Variants in RAB3C observed in about 807,000 individuals in gnomAD.
The protein encoded by RAB3C is ras-related protein Rab-3C.
In RAB3C, 17 loss-of-function variants were observed where a neutral mutation model predicts 26.4. That is an observed-to-expected ratio of 0.64 (90% CI 0.44 to 0.97). RAB3C has a LOEUF of 0.97. RAB3C is among the 50% of genes least tolerant of loss of function. The pLI is 0.00. For missense variants in RAB3C, 242 were observed against 281.9 expected, an observed-to-expected ratio of 0.86 and a Z score of 1.01; for synonymous variants, 91 against 95.9, an observed-to-expected ratio of 0.95 and a Z score of 0.30.
chr5:58,832,850 A>G (rs907528381), intron 4 of RAB3C, among the ~76,000 whole-genome samples: 4 of 152,070 alleles, frequency 2.6e-5, no homozygotes, highest in Non-Finnish European at 5.9e-5. Context: ...AGAATCAAAA[A>G]CTCGGGCTTT....
At chr5:58,765,384 G>C (rs564400212) in intron 3 of RAB3C, among the ~76,000 whole-genome samples, 2 of 152,076 alleles carry the variant, frequency 1.3e-5, no homozygotes, top group Non-Finnish European at 2.9e-5. Context: ...CTTACCACAA[G>C]ACTTATCTTT....
At chr5:58,758,343 G>A (rs529293706) in intron 3 of RAB3C, among the ~76,000 whole-genome samples, 123 of 152,150 alleles carry the variant, frequency 8.1e-4, no homozygotes, top group African/African-American at 2.9e-3. Flanking sequence ...CATTTATTTA[G>A]TGAATATTTA....
chr5:58,633,916 A>G (rs1341255522), intron 2 of RAB3C, among the ~76,000 whole-genome samples: 1 of 151,886 alleles, frequency 6.6e-6, no homozygotes, highest in Non-Finnish European at 1.5e-5. Flanking sequence ...GCGGATCATG[A>G]GGTCCAGAGA....
chr5:58,666,931 G>C (rs1748014433), intron 2 of RAB3C, among the ~76,000 whole-genome samples: 1 of 152,212 alleles, frequency 6.6e-6, no homozygotes, highest in South Asian at 2.1e-4. Context: ...TTCTTTTATT[G>C]CATCTGAACA....
rs1482839532 is a variant in RAB3C at position 58,716,378 on chromosome 5, A to G, written c.253-9624A>G. Reference sequence around the variant, plus strand: ...ACAGAAAGCCAAAGTAAAAAAAACTATAACCTAACTTCTTCACTATTCAAC... The same window carrying G: ...ACAGAAAGCCAAAGTAAAAAAAACTGTAACCTAACTTCTTCACTATTCAAC... On this transcript the variant is annotated intron_variant, in intron 2 of 4. Transcript: ENST00000282878. Among the ~76,000 whole-genome samples the G allele has an allele frequency of 2.6e-5, 4 of 152,270 alleles. No individual in the cohort carries two copies. In the South Asian group the frequency reaches 6.2e-4, roughly 24 times the overall value.
chr5:58,698,307 T>G (rs1748763278), intron 2 of RAB3C, among the ~76,000 whole-genome samples: 1 of 152,236 alleles, frequency 6.6e-6, no homozygotes, highest in South Asian at 2.1e-4. Flanking sequence ...GTTAGTATGA[T>G]GGGCTTCCCT....
chr5:58,768,463 TAAG>T (rs202006449), intron 3 of RAB3C, among the ~76,000 whole-genome samples: 1,710 of 152,046 alleles, frequency 0.011, 14 homozygotes, highest in South Asian at 0.018. Flanking sequence ...AGACAACAAA[TAAG>T]AAGGGTACAA....
At chr5:58,638,808 A>G (rs1164800196) in intron 2 of RAB3C, among the ~76,000 whole-genome samples, 2 of 152,238 alleles carry the variant, frequency 1.3e-5, no homozygotes, top group Admixed American at 6.5e-5. Flanking sequence ...TTCTTTGTTC[A>G]GTAGATCAAA....
chr5:58,730,402 A>G (rs1740989664), intron 3 of RAB3C, among the ~76,000 whole-genome samples: 1 of 152,102 alleles, frequency 6.6e-6, no homozygotes, highest in Non-Finnish European at 1.5e-5. Flanking sequence ...CTCTACATGT[A>G]CAGTATAATT....
At chr5:58,841,840 T>C (rs1376452265) in intron 4 of RAB3C, among the ~76,000 whole-genome samples, 1 of 152,200 alleles carries the variant, frequency 6.6e-6, no homozygotes, top group African/African-American at 2.4e-5. Flanking sequence ...ACCCTATGTG[T>C]GTCTGCAGTC....
intron 3 of RAB3C, among the ~76,000 whole-genome samples, chr5:58,732,289 A>T (rs943040893): frequency 4.0e-5 from 6 of 151,370 alleles, no homozygotes; most frequent in Admixed American, 6.6e-5. Flanking sequence ...AGGCCAAAAA[A>T]ATTTTTTTAT....
chr5:58,651,810 T>C (rs416657), intron 2 of RAB3C, among the ~76,000 whole-genome samples: 152,206 of 152,268 alleles, frequency 1, 76,072 homozygotes, highest in Middle Eastern at 1. Flanking sequence ...ATACCAAAAT[T>C]GCCTGATGCT....
chr5:58,690,687 TTGAA>T (rs1314569156), intron 2 of RAB3C, among the ~76,000 whole-genome samples: 3 of 152,102 alleles, frequency 2.0e-5, no homozygotes, highest in South Asian at 2.1e-4. Context: ...AGTAAAAAAC[TTGAA>T]ACTGTCAGGT....
At chr5:58,588,936 C>T (rs1246908083) in intron 1 of RAB3C, among the ~76,000 whole-genome samples, 1 of 152,116 alleles carries the variant, frequency 6.6e-6, no homozygotes, top group African/African-American at 2.4e-5. Flanking sequence ...ACAACCAGTA[C>T]AATGTTGAAT....
At chr5:58,737,142 C>G (rs370985620) in intron 3 of RAB3C, among the ~76,000 whole-genome samples, 2 of 151,930 alleles carry the variant, frequency 1.3e-5, no homozygotes, top group East Asian at 1.9e-4. Context: ...GGCTTCTTTG[C>G]TATTCCTAGA....
At chr5:58,850,638 C>G (rs911825204) in intron 4 of RAB3C, among the ~76,000 whole-genome samples, 1 of 152,094 alleles carries the variant, frequency 6.6e-6, no homozygotes, top group Non-Finnish European at 1.5e-5. Flanking sequence ...GCACACCAAG[C>G]CTTCTGAGCT....
intron 2 of RAB3C, 150 bp downstream of exon 2, chr5:58,618,020 A>G: frequency 1.6e-6 from 1 of 608,624 alleles, no homozygotes; most frequent in Non-Finnish European, 2.9e-6. Context: ...TGTTTCAAAG[A>G]AAGTAGTGGT....
intron 3 of RAB3C, among the ~76,000 whole-genome samples, chr5:58,736,501 G>A (rs961519322): frequency 3.3e-5 from 5 of 152,198 alleles, no homozygotes; most frequent in African/African-American, 1.2e-4. Flanking sequence ...CTGCCTCAGA[G>A]TATACTTCGG....
chr5:58,674,749 C>T (rs898184643), intron 2 of RAB3C, among the ~76,000 whole-genome samples: 7 of 151,692 alleles, frequency 4.6e-5, no homozygotes, highest in South Asian at 4.2e-4. Context: ...AGAAAGTGCA[C>T]GGAAAACTTT....
Sources: allele counts gnomAD v4.1 joint callset (sites outside exome capture counted in the v4.1 genomes callset), GRCh38; gene constraint gnomAD v4.1.1; transcripts MANE v1.5; gene names NCBI Gene and HGNC (gene_info 2026-07-23, HGNC 2026-07-21).